The following DLL1 variants were observed in gnomAD, a reference collection of about 807,000 sequenced individuals.
The protein encoded by DLL1 is delta like canonical Notch ligand 1, also known as delta-like protein 1.
DLL1 carries 9 observed loss-of-function variants against 75.1 expected under a neutral mutation model. That is an observed-to-expected ratio of 0.12 (90% confidence interval 0.07 to 0.21). The LOEUF is 0.21. Ranked by LOEUF, DLL1 falls within the 10% of genes least tolerant of loss-of-function variation. DLL1 has a pLI of 1.00. For synonymous variants in DLL1, 477 were observed against 418.3 expected (o/e 1.14, Z -1.71); for missense variants, 837 against 1,007.6 (o/e 0.83, Z 2.29).
Position 170,290,997 on chromosome 6 carries a change from G to T in DLL1, c.-858C>A, listed in dbSNP as rs1016547601. On this transcript the variant is annotated 5_prime_UTR_variant, in exon 1 of 11. The change creates a new upstream start codon in the 5' untranslated region. Transcript: ENST00000366756. The surrounding 1 kb of genome is among the most constrained non-coding windows in gnomAD (Gnocchi z 4.7). The stretch of plus-strand genomic sequence containing the variant: ...CGCATGGCTAATGAGATGCAAATCA[G>T]CAGCCCCCCAATCTGGCGAGAGCTG... The T allele has an allele frequency of 1.4e-6, 1 of 701,878 alleles. No homozygotes were observed. The highest frequency in any genetic ancestry group is 1.5e-5 in the South Asian group (1 of 67,588). 43.5% of individuals were successfully genotyped at this position (701,878 alleles called of 1,614,324 possible). A position where few individuals can be genotyped will look rare whatever the true frequency, so the allele number is the denominator to read the frequency against.
chr6:170,290,196 G>T lies in DLL1; in HGVS notation c.-57C>A. 1 of 1,569,464 alleles carries T rather than the reference G, an allele frequency of 6.4e-7. No individual in the cohort carries two copies. The highest frequency in any genetic ancestry group is 8.6e-7 in the Non-Finnish European group (1 of 1,163,984). On this transcript the variant is annotated 5_prime_UTR_variant, in exon 1 of 11. Coordinates refer to ENST00000366756, the MANE Select transcript of DLL1 (RefSeq NM_005618.4). This position sits in a 1 kb window ranked among gnomAD's most constrained non-coding sequence, Gnocchi z 4.7. ...CCCCCACTTCTCTCCTTAGAACAGC[G>T]GCGGACGCGCGGGGGATCGATGGGC... is the stretch of plus-strand genomic sequence containing the variant.
chr6:170,284,078 A>T, intron 8 of DLL1, 49 bp from the exon 9 acceptor site: 1 of 1,535,066 alleles, frequency 6.5e-7, no homozygotes, highest in Non-Finnish European at 8.7e-7. Flanking sequence ...AGGTTTGTTC[A>T]CCAAAAAGTC....
chr6:170,289,380 G>T, intron 2 of DLL1, 132 bp downstream of exon 2: 1 of 1,378,428 alleles, frequency 7.3e-7, no homozygotes, highest in Non-Finnish European at 9.8e-7. Context: ...CCGCTAGGCA[G>T]ATCGCAGCGC....
Position 170,283,828 on chromosome 6 carries a change from C to G in DLL1, c.1451G>C (p.Arg484Thr). Residue 484 changes from arginine to threonine, a missense_variant, in exon 9 of 11, where the codon AGG (arginine) becomes ACG (threonine). Coordinates refer to ENST00000366756, the MANE Select transcript of DLL1 (RefSeq NM_005618.4). The stretch of plus-strand genomic sequence containing the variant: ...ATTGTGGCAGGGTGCGTGCTCGCAC[C>G]TGCTGACGGGGGCACTGCAGTTCCT... ...TGRNCSAPVS[R>T]CEHAPCHNGA... The G allele has an allele frequency of 1.9e-6, 3 of 1,600,002 alleles. No individual in the cohort carries two copies. Among genetic ancestry groups the G allele is most frequent in the Non-Finnish European group, 2.5e-6 (3 of 1,176,510 alleles).
chr6:170,285,016 G>A lies in DLL1; in HGVS notation c.1152C>T (p.Ser384=). The A allele has an allele frequency of 6.2e-7, 1 of 1,614,082 alleles. No individual in the cohort carries two copies. The highest frequency in any genetic ancestry group is 8.5e-7 in the Non-Finnish European group (1 of 1,180,026). Residue 384 remains serine (S), a synonymous_variant, in exon 8 of 11, where the codon AGC becomes AGT. Transcript: ENST00000366756. ...PCFNGGRCSD[S]PDGGYSCRCP... is the part of the protein sequence containing the mutation. ...AGCGGCAGCTGTACCCTCCATCGGG[G>A]CTGTCTGAGCACCGACCCCCGTTAA...
Position 170,283,034 on chromosome 6 carries a change from A to G in DLL1, c.2120T>C (p.Val707Ala). ...STSKDTKYQS[V>A]YVISEEKDEC... is the part of the protein sequence containing the mutation. ...ATCCTTCTCCTCGGATATGACGTACACCGACTGGTACTTGGTGTCTTTTGA... is the reference window on the plus strand; with the variant it reads ...ATCCTTCTCCTCGGATATGACGTACGCCGACTGGTACTTGGTGTCTTTTGA... Residue 707 changes from valine (V) to alanine (A), a missense_variant, in exon 10 of 11, where the codon GTG (valine) becomes GCG (alanine). Val to Ala is a moderately conservative substitution (Grantham distance 64, BLOSUM62 0). This residue lies in a region of DLL1 where 533 missense variants were observed against 545.7 expected (regional missense o/e 0.98). Coordinates refer to ENST00000366756, the MANE Select transcript of DLL1 (RefSeq NM_005618.4). The G allele has an allele frequency of 1.2e-6, 2 of 1,614,144 alleles. No individual in the cohort carries two copies. The highest frequency in any genetic ancestry group is 1.7e-6 in the Non-Finnish European group (2 of 1,180,042).
Position 170,283,240 on chromosome 6 carries a change from G to A in DLL1, c.2039C>T (p.Thr680Ile), listed in dbSNP as rs777390039. 2 of 1,612,672 alleles carry A rather than the reference G, an allele frequency of 1.2e-6. No homozygotes were observed. The highest frequency in any genetic ancestry group is 1.7e-6 in the Non-Finnish European group (2 of 1,179,870). The change falls in exon 9 of 11, where the codon ACA becomes ATA. Residue 680 changes from threonine (T) to isoleucine (I), a missense_variant. Physicochemically the swap from Thr to Ile is moderately conservative, Grantham distance 89. This residue lies in a region of DLL1 where 533 missense variants were observed against 545.7 expected (regional missense o/e 0.98). Transcript: ENST00000366756. ...SSGEEKGTPT[T>I]LRGGEASERK... is the part of the protein sequence containing the mutation. The stretch of plus-strand genomic sequence containing the variant: ...GGCCCGCAGCACGCACCCCCTGAGT[G>A]TGGTCGGGGTCCCCTTCTCCTCCCC...
At position 170,284,910 on chromosome 6, in the gene DLL1, C is replaced by T. The variant is rs1435513216; in HGVS notation, c.1249+9G>A. ...CGAGTCTCTGAGCAATCACCAGCTG[C>T]CCCCTTACCATTAGAACAGGGTGAA... On this transcript the variant is annotated intron_variant, in intron 8 of 10. Coordinates refer to ENST00000366756, the MANE Select transcript of DLL1 (RefSeq NM_005618.4). 15 of 1,613,342 alleles carry T rather than the reference C, an allele frequency of 9.3e-6. No homozygotes were observed. The highest frequency in any genetic ancestry group is 1.3e-5 in the Non-Finnish European group (15 of 1,179,854).
chr6:170,288,533 A>G lies in DLL1; in HGVS notation c.413-37T>C, dbSNP rs369949589. The G allele has an allele frequency of 1.1e-5, 17 of 1,613,946 alleles. No individual in the cohort carries two copies. The South Asian group carries it at 1.1e-4, about 10-fold the overall frequency. ...AGATGCTCCTGGTTGGTTCTGAACG[A>G]GAACCCTGTGACTCGGGACAGAGCG... On this transcript the variant is annotated intron_variant, in intron 3 of 10. Transcript: ENST00000366756.
intron 5 of DLL1, 135 bp from the exon 6 acceptor site, chr6:170,285,834 C>A: frequency 1.5e-6 from 2 of 1,332,084 alleles, no homozygotes; most frequent in Non-Finnish European, 1.1e-6. Context: ...ACTGGGTCAC[C>A]TTGGGAGCTG....
chr6:170,286,352 G>C, intron 4 of DLL1, 54 bp from the exon 5 acceptor site: 1 of 1,606,278 alleles, frequency 6.2e-7, no homozygotes, highest in Non-Finnish European at 8.5e-7. Context: ...GTCCCAACAG[G>C]GCTGCCGCCC....
intron 9 of DLL1, 57 bp downstream of exon 9, chr6:170,283,174 G>A (rs1783600848): frequency 6.2e-7 from 1 of 1,613,342 alleles, no homozygotes; most frequent in African/African-American, 1.3e-5. Flanking sequence ...CGGAGCAGTG[G>A]TTCCAGGAAG....
rs1163102408 is a variant in DLL1, at chr6:170,290,948, C to A, written c.-809G>T. The A allele has an allele frequency of 1.4e-6, 1 of 699,900 alleles. No individual in the cohort carries two copies. Among genetic ancestry groups the A allele is most frequent in the Non-Finnish European group, 2.6e-6 (1 of 383,488 alleles). 43.4% of individuals were successfully genotyped at this position (699,900 alleles called of 1,614,324 possible). A position where few individuals can be genotyped will look rare whatever the true frequency, so the allele number is the denominator to read the frequency against. ...GGATCTGGCTCTCGCCGGCGCCTGC[C>A]GCCCTTATATTCAGCCGGCCGCCCG... On this transcript the variant is annotated 5_prime_UTR_variant, in exon 1 of 11. Transcript: ENST00000366756. This position sits in a 1 kb window ranked among gnomAD's most constrained non-coding sequence, Gnocchi z 4.7.
Position 170,283,345 on chromosome 6 carries a change from T to C in DLL1, c.1934A>G (p.Gln645Arg). 1 of 1,612,826 alleles carries C rather than the reference T, an allele frequency of 6.2e-7. No individual in the cohort carries two copies. Among genetic ancestry groups the C allele is most frequent in the Non-Finnish European group, 8.5e-7 (1 of 1,180,036 alleles). The change falls in exon 9 of 11, where the codon CAG (glutamine) becomes CGG (arginine). Residue 645 changes from glutamine to arginine, a missense_variant. By Grantham distance (43) the Gln-to-Arg change is conservative. Around this residue, in one of 2 missense-constraint regions of DLL1, gnomAD observed 533 missense variants for 545.7 expected, o/e 0.98. Transcript: ENST00000366756. ...RYPAVDYNLV[Q>R]DLKGDDTAVR... ...GGCGGTGTCGTCACCCTTGAGGTCC[T>C]GCACGAGGTTATAGTCCACCGCTGG...
intron 2 of DLL1, chr6:170,289,249 G>T (rs966110779): frequency 1.5e-6 from 1 of 684,278 alleles, no homozygotes. Flanking sequence ...CACAGAGGCC[G>T]GATACGGAAA....
At chr6:170,288,138 T>C in intron 4 of DLL1, 101 bp downstream of exon 4, 3 of 1,563,008 alleles carry the variant, frequency 1.9e-6, no homozygotes, top group East Asian at 2.3e-5. Context: ...CACCAGAACA[T>C]CTCTACAGTC....
intron 1 of DLL1, 85 bp from the exon 2 acceptor site, chr6:170,289,893 G>C: frequency 7.0e-7 from 1 of 1,429,858 alleles, no homozygotes; most frequent in Non-Finnish European, 9.3e-7. Flanking sequence ...TGTGCGGAGA[G>C]CCTGGAAGGG....
intron 1 of DLL1, 33 bp from the exon 2 acceptor site, chr6:170,289,841 G>C (rs1319027034): frequency 6.5e-7 from 1 of 1,545,718 alleles, no homozygotes; most frequent in Non-Finnish European, 8.7e-7. Context: ...GTGAGGACGC[G>C]GGTCCCGCCC....
Position 170,288,460 on chromosome 6 carries a change from T to C in DLL1, c.449A>G (p.Gln150Arg). ...PERLISRLATQRHLTVGEEWS... is the reference protein window; with the variant it reads ...PERLISRLATRRHLTVGEEWS... ...CTCCTCGCCCACCGTCAGGTGCCTC[T>C]GGGTGGCCAGGCGGCTGATGAGTCT... Residue 150 changes from glutamine to arginine, a missense_variant, in exon 4 of 11, where the codon CAG becomes CGG. Coordinates refer to ENST00000366756, the MANE Select transcript of DLL1 (RefSeq NM_005618.4). 6.2e-7 allele frequency: 1 copy of C among 1,614,124 alleles called. No homozygotes were observed. Among genetic ancestry groups the C allele is most frequent in the Non-Finnish European group, 8.5e-7 (1 of 1,180,052 alleles).
Sources: allele counts gnomAD v4.1 joint callset, GRCh38; gene constraint gnomAD v4.1.1; regional missense constraint gnomAD v4.1.1; non-coding constraint Gnocchi (gnomAD v3.1); transcripts MANE v1.5; gene names NCBI Gene and HGNC (gene_info 2026-07-23, HGNC 2026-07-21).